CHD9: variants seen among roughly 807,000 people sequenced by gnomAD.
CHD9 encodes ATP-dependent chromatin remodeler CHD9.
A neutral mutation model predicts 316.1 loss-of-function variants in CHD9; 77 were observed. The observed-to-expected ratio is 0.24, with a 90% CI of 0.20 to 0.29. The LOEUF (loss-of-function observed/expected upper bound fraction) is 0.29. Ranked by LOEUF, CHD9 falls within the 10% of genes least tolerant of loss-of-function variation. CHD9 has a pLI of 1.00. For missense variants in CHD9, 2,763 were observed against 3,438.1 expected (o/e 0.80, Z 4.91); for synonymous variants, 1,129 against 1,158.3 (o/e 0.97, Z 0.51).
At chr16:53,167,656 G>A (rs2042366248) in intron 2 of CHD9, among the ~76,000 whole-genome samples, 1 of 147,516 alleles carries the variant, frequency 6.8e-6, no homozygotes, top group African/African-American at 2.4e-5. Context: ...GTAATTATTT[G>A]ATTCTTCAAA....
rs183107894 is a variant in CHD9 at position 53,283,552 on chromosome 16, A to G, written c.4968-2044A>G. On this transcript the variant is annotated intron_variant, in intron 24 of 38. Transcript: ENST00000447540. ...CATCTTATGGTTGGCAAAGGGAGCTATCTGACCCACTTTTTTTCTCCTCTG... is the reference window on the plus strand; with the variant it reads ...CATCTTATGGTTGGCAAAGGGAGCTGTCTGACCCACTTTTTTTCTCCTCTG... Among the ~76,000 whole-genome samples, 497 of 152,262 alleles carry G rather than the reference A, an allele frequency of 3.3e-3. 4 individuals are homozygous for G. Among genetic ancestry groups the G allele is most frequent in the Admixed American group, 4.2e-3 (64 of 15,294 alleles).
Position 53,268,090 on chromosome 16 carries a change from G to A in CHD9, c.4681G>A (p.Glu1561Lys). 6.2e-7 allele frequency: 1 copy of A among 1,612,070 alleles called. No individual in the cohort carries two copies. Among genetic ancestry groups the A allele is most frequent in the Non-Finnish European group, 8.5e-7 (1 of 1,178,862 alleles). Residue 1561 changes from glutamate to lysine, a missense_variant, in exon 22 of 39, where the codon GAA becomes AAA. Glu to Lys is a moderately conservative substitution (Grantham distance 56). Around this residue, in one of 15 missense-constraint regions of CHD9, gnomAD observed 99 missense variants for 131.6 expected, o/e 0.75. Transcript: ENST00000447540. ...CATATGGGATCTCATTACTCCAACT[G>A]AAGATGGACAGACACGAGAGCTACA... Reference protein sequence around the residue: ...GFIWDLITPTEDGQTRELQNH... With the variant: ...GFIWDLITPTKDGQTRELQNH...
intron 16 of CHD9, 87 bp from the exon 17 acceptor site, chr16:53,249,784 G>C (rs2049978344): frequency 2.9e-6 from 3 of 1,031,962 alleles, no homozygotes; most frequent in Admixed American, 3.8e-5. Context: ...ACATAATGCT[G>C]CAGGAAAACT....
intron 34 of CHD9, among the ~76,000 whole-genome samples, chr16:53,313,985 A>G (rs1051359675): frequency 9.9e-5 from 15 of 152,028 alleles, no homozygotes; most frequent in Non-Finnish European, 2.1e-4. Context: ...AAAAAGAATA[A>G]TGTAGAAAAA....
intron 34 of CHD9, 129 bp downstream of exon 34, chr16:53,308,983 AATAG>A: frequency 1.5e-6 from 1 of 648,580 alleles, no homozygotes; most frequent in Non-Finnish European, 2.4e-6. Flanking sequence ...TAAAGTAATC[AATAG>A]AATTTTAAAT....
intron 1 of CHD9, among the ~76,000 whole-genome samples, chr16:53,118,043 A>ATG (rs2152642184): frequency 6.6e-6 from 1 of 151,778 alleles, no homozygotes; most frequent in South Asian, 2.1e-4. Context: ...TAGCCAGGGC[A>ATG]GTTTCGATCT....
intron 1 of CHD9, among the ~76,000 whole-genome samples, chr16:53,062,720 C>T (rs1277904156): frequency 1.3e-5 from 2 of 152,054 alleles, no homozygotes; most frequent in African/African-American, 4.8e-5. Flanking sequence ...CCAGGAAGAC[C>T]CCAATTATTT....
chr16:53,220,203 T>G (rs780784243), intron 3 of CHD9, among the ~76,000 whole-genome samples: 7 of 152,252 alleles, frequency 4.6e-5, no homozygotes, highest in Non-Finnish European at 7.3e-5. Flanking sequence ...GATTTCCTGC[T>G]TCCAACATAA....
rs955519120 is a variant in CHD9, at chr16:53,315,026, T to C, written c.7566T>C (p.Asp2522=). 1 of 1,613,364 alleles carries C rather than the reference T, an allele frequency of 6.2e-7. No individual in the cohort carries two copies. Among genetic ancestry groups the C allele is most frequent in the Non-Finnish European group, 8.5e-7 (1 of 1,179,466 alleles). ...AGGAGCACCCGGGTTATGTGGAAGA[T>C]TTGGGAGCTTTTATTCCTGTAGGTG... ...WLKEHPGYVE[D]LGAFIPRMQL... The change falls in exon 36 of 39, where the codon GAT becomes GAC. Residue 2522 remains aspartate (D), a synonymous_variant. Coordinates refer to ENST00000447540, the MANE Select transcript of CHD9 (RefSeq NM_001308319.2).
chr16:53,271,287 G>A (rs957336142), intron 22 of CHD9, among the ~76,000 whole-genome samples: 1 of 152,068 alleles, frequency 6.6e-6, no homozygotes, highest in African/African-American at 2.4e-5. Context: ...AAAAACCATT[G>A]GCTGGGCACG....
intron 27 of CHD9, among the ~76,000 whole-genome samples, chr16:53,291,077 TG>T (rs1306250084): frequency 1.3e-5 from 2 of 152,136 alleles, no homozygotes; most frequent in African/African-American, 4.8e-5. Flanking sequence ...AGAAACATCA[TG>T]GTGAAATTGA....
chr16:53,307,759 T>C lies in CHD9; in HGVS notation c.6859T>C (p.Tyr2287His), dbSNP rs773404156. The C allele has an allele frequency of 6.2e-7, 1 of 1,612,916 alleles. No homozygotes were observed. Among genetic ancestry groups the C allele is most frequent in the Non-Finnish European group, 8.5e-7 (1 of 1,179,464 alleles). Reference protein sequence around the residue: ...KGKWPSARRSYDANTVASFYT... With the variant: ...KGKWPSARRSHDANTVASFYT... Reference sequence around the variant, plus strand: ...AAAGTGGCCTTCAGCTAGAAGAAGTTATGATGCTAACACAGTGGCTTCTTT... The same window carrying C: ...AAAGTGGCCTTCAGCTAGAAGAAGTCATGATGCTAACACAGTGGCTTCTTT... The change falls in exon 33 of 39, where the codon TAT (tyrosine) becomes CAT (histidine). Residue 2287 changes from tyrosine to histidine, a missense_variant. Tyr to His is a moderately conservative substitution (Grantham distance 83, BLOSUM62 2). Around this residue, in one of 15 missense-constraint regions of CHD9, gnomAD observed 663 missense variants for 751.2 expected, o/e 0.88. Coordinates refer to ENST00000447540, the MANE Select transcript of CHD9 (RefSeq NM_001308319.2).
intron 1 of CHD9, among the ~76,000 whole-genome samples, chr16:53,127,948 A>G (rs2039046693): frequency 6.6e-6 from 1 of 151,622 alleles, no homozygotes; most frequent in African/African-American, 2.4e-5. Context: ...GTCAAAAAAA[A>G]AAAAAAAAAA....
rs998316474 is a variant in CHD9 at position 53,274,364 on chromosome 16, T to G, written c.4967+62T>G. The G allele has an allele frequency of 6.4e-5, 66 of 1,031,450 alleles. 1 individual carries two copies. In the South Asian group the frequency reaches 1.1e-3, roughly 17 times the overall value. 63.9% of individuals were successfully genotyped at this position (1,031,450 alleles called of 1,614,324 possible). A position where few individuals can be genotyped will look rare whatever the true frequency, so the allele number is the denominator to read the frequency against. Reference sequence around the variant, plus strand: ...TTGTCTTGCCCAGGCAGCTTCAAGCTCCTGGGTTCAAGCGATCCTCCCACC... The same window carrying G: ...TTGTCTTGCCCAGGCAGCTTCAAGCGCCTGGGTTCAAGCGATCCTCCCACC... On this transcript the variant is annotated intron_variant, in intron 24 of 38. Transcript: ENST00000447540.
intron 1 of CHD9, among the ~76,000 whole-genome samples, chr16:53,151,998 G>T (rs1261576835): frequency 6.6e-6 from 1 of 151,814 alleles, no homozygotes; most frequent in Non-Finnish European, 1.5e-5. Flanking sequence ...GTGTGTGATT[G>T]TGGGCAGGGG....
chr16:53,296,515 A>G (rs946923593), intron 29 of CHD9, among the ~76,000 whole-genome samples: 3 of 136,118 alleles, frequency 2.2e-5, no homozygotes, highest in African/African-American at 8.5e-5. Context: ...ATCTCGGCTC[A>G]CTGCAAGCTC....
chr16:53,318,363 A>C, intron 37 of CHD9, 23 bp downstream of exon 37: 1 of 1,556,942 alleles, frequency 6.4e-7, no homozygotes, highest in Non-Finnish European at 8.7e-7. Flanking sequence ...TTTTTTCTTA[A>C]TCTTTTGTAT....
chr16:53,209,548 G>T lies in CHD9; in HGVS notation c.1519G>T (p.Val507Phe), dbSNP rs1453314717. The change falls in exon 3 of 39, where the codon GTC (valine) becomes TTC (phenylalanine). Residue 507 changes from valine to phenylalanine, a missense_variant. By Grantham distance (50) the Val-to-Phe change is conservative (BLOSUM62 -1). Around this residue, in one of 15 missense-constraint regions of CHD9, gnomAD observed 859 missense variants for 890.4 expected, o/e 0.96. Coordinates refer to ENST00000447540, the MANE Select transcript of CHD9 (RefSeq NM_001308319.2). ...YTKLQNTQVR[V>F]MSEKKQRKKV... ...TAAGTTGCAGAATACCCAGGTGAGG[G>T]TCATGTCTGAGAAGAAGCAGAGAAA... The T allele has an allele frequency of 6.2e-7, 1 of 1,613,830 alleles. No individual in the cohort carries two copies. Among genetic ancestry groups the T allele is most frequent in the African/African-American group, 1.3e-5 (1 of 75,042 alleles).
intron 2 of CHD9, among the ~76,000 whole-genome samples, chr16:53,161,499 C>G (rs2041911348): frequency 6.6e-6 from 1 of 152,038 alleles, no homozygotes; most frequent in African/African-American, 2.4e-5. Flanking sequence ...CTTTAACTCT[C>G]TTAATTGTAG....
Sources: allele counts gnomAD v4.1 joint callset (sites outside exome capture counted in the v4.1 genomes callset), GRCh38; gene constraint gnomAD v4.1.1; regional missense constraint gnomAD v4.1.1; transcripts MANE v1.5; gene names NCBI Gene and HGNC (gene_info 2026-07-23, HGNC 2026-07-21).